Variants in CDH18 observed in about 807,000 individuals in gnomAD.
CDH18 encodes cadherin-18.
A neutral mutation model predicts 67.9 loss-of-function variants in CDH18; 31 were observed. The ratio of observed to expected loss-of-function variants is 0.46; its 90% CI spans 0.34 to 0.62. The LOEUF is 0.62. Ranked by LOEUF, CDH18 falls within the 20% of genes least tolerant of loss-of-function variation. The pLI, the probability that CDH18 is intolerant of heterozygous loss-of-function variation, is 0.01. For missense variants in CDH18, 890 were observed against 975.5 expected, an observed-to-expected ratio of 0.91 and a Z score of 1.17; for synonymous variants, 362 against 347.2, an observed-to-expected ratio of 1.04 and a Z score of -0.48.
At chr5:19,722,941 A>G (rs1026766898) in intron 4 of CDH18, among the ~76,000 whole-genome samples, 1 of 152,116 alleles carries the variant, frequency 6.6e-6, no homozygotes, top group African/African-American at 2.4e-5. Context: ...GAAAATTTGT[A>G]CTTCTAGGCC....
intron 3 of CDH18, among the ~76,000 whole-genome samples, chr5:19,809,366 TC>T (rs1778393849): frequency 6.6e-6 from 1 of 151,988 alleles, no homozygotes; most frequent in Admixed American, 6.6e-5. Context: ...AGACTTTCAT[TC>T]TCCTTAAGAT....
intron 2 of CDH18, among the ~76,000 whole-genome samples, chr5:19,903,541 G>GTATGTA (rs1554060515): frequency 8.0e-6 from 1 of 124,766 alleles, no homozygotes; most frequent in African/African-American, 2.8e-5. Context: ...GTGTGTGTGT[G>GTATGTA]TATATATATA....
At chr5:20,182,020 C>A (rs1306939951) in intron 2 of CDH18, among the ~76,000 whole-genome samples, 1 of 151,974 alleles carries the variant, frequency 6.6e-6, no homozygotes, top group Non-Finnish European at 1.5e-5. Context: ...ATTGCCAGAA[C>A]AAAGAAAATG....
intron 2 of CDH18, among the ~76,000 whole-genome samples, chr5:20,102,947 C>G (rs1746600860): frequency 1.3e-5 from 2 of 152,196 alleles, no homozygotes; most frequent in South Asian, 4.1e-4. Context: ...CTTTAGTGTT[C>G]TGTAATAAAA....
chr5:19,553,367 T>C (rs915867624), intron 8 of CDH18, among the ~76,000 whole-genome samples: 3 of 151,944 alleles, frequency 2.0e-5, no homozygotes, highest in Non-Finnish European at 2.9e-5. Flanking sequence ...TCATCTGACC[T>C]GCACGTTGTG....
At chr5:20,173,161 C>A (rs535035641) in intron 2 of CDH18, among the ~76,000 whole-genome samples, 6 of 152,270 alleles carry the variant, frequency 3.9e-5, no homozygotes, top group African/African-American at 1.4e-4. Flanking sequence ...ACCCCCATGG[C>A]TGCTGCCCTC....
chr5:20,449,988 AT>A (rs10713198), intron 1 of CDH18, among the ~76,000 whole-genome samples: 82,375 of 149,746 alleles, frequency 0.55, 23,654 homozygotes, highest in African/African-American at 0.71. Flanking sequence ...ATGCATAAGA[AT>A]TTTTTTTTTT....
At chr5:20,435,869 G>A (rs1364076282) in intron 1 of CDH18, among the ~76,000 whole-genome samples, 2 of 151,982 alleles carry the variant, frequency 1.3e-5, no homozygotes, top group African/African-American at 4.8e-5. Context: ...AGAATCCTCT[G>A]TCAATTTTTG....
intron 11 of CDH18, among the ~76,000 whole-genome samples, chr5:19,487,497 A>T (rs930751338): frequency 1.3e-5 from 2 of 152,184 alleles, no homozygotes; most frequent in Admixed American, 6.5e-5. Flanking sequence ...GAATTAACAG[A>T]ATGTTTACAT....
intron 2 of CDH18, among the ~76,000 whole-genome samples, chr5:20,153,288 C>A (rs1272347293): frequency 6.6e-6 from 1 of 152,000 alleles, no homozygotes; most frequent in East Asian, 1.9e-4. Flanking sequence ...CTAAACAACC[C>A]AAGTATTAGC....
chr5:20,297,599 G>A (rs1384625014), intron 1 of CDH18, among the ~76,000 whole-genome samples: 1 of 152,164 alleles, frequency 6.6e-6, no homozygotes. Flanking sequence ...TTTATCTCTT[G>A]AGTCCCCATA....
At chr5:19,857,875 T>C (rs1231876321) in intron 2 of CDH18, among the ~76,000 whole-genome samples, 1 of 152,178 alleles carries the variant, frequency 6.6e-6, no homozygotes, top group Non-Finnish European at 1.5e-5. Flanking sequence ...CACTTTCAAG[T>C]CAGAAATTAT....
intron 2 of CDH18, among the ~76,000 whole-genome samples, chr5:19,889,784 T>C (rs944779361): frequency 2.0e-5 from 3 of 152,166 alleles, no homozygotes; most frequent in Non-Finnish European, 2.9e-5. Flanking sequence ...AAAAAAGTCA[T>C]GATTTTAAAA....
intron 3 of CDH18, among the ~76,000 whole-genome samples, chr5:19,793,487 T>C (rs2149821436): frequency 6.6e-6 from 1 of 152,254 alleles, no homozygotes; most frequent in Admixed American, 6.6e-5. Context: ...CACTGTATTT[T>C]ATTATGGGAA....
intron 1 of CDH18, among the ~76,000 whole-genome samples, chr5:20,393,823 C>A (rs1036257349): frequency 3.3e-5 from 5 of 151,678 alleles, no homozygotes; most frequent in Non-Finnish European, 7.4e-5. Flanking sequence ...CAATACAATT[C>A]AACACCTAGG....
chr5:20,217,995 C>A (rs892651085), intron 2 of CDH18, among the ~76,000 whole-genome samples: 4 of 151,746 alleles, frequency 2.6e-5, no homozygotes, highest in Non-Finnish European at 4.4e-5. Flanking sequence ...TATATATGTA[C>A]CCCACACTGA....
At position 20,294,055 on chromosome 5, in the gene CDH18, G is replaced by T. The variant is rs138817943; in HGVS notation, c.-579-38550C>A. Reference sequence around the variant, plus strand: ...TGTACTGCTTGTTAAATAATAGAATGGATGATTTATATACACTGTTGGTCA... The same window carrying T: ...TGTACTGCTTGTTAAATAATAGAATTGATGATTTATATACACTGTTGGTCA... On this transcript the variant is annotated intron_variant, in intron 1 of 14. Coordinates refer to the CDH18 transcript ENST00000507958. Among the ~76,000 whole-genome samples, 3 of 152,204 alleles carry T rather than the reference G, an allele frequency of 2.0e-5. No homozygotes were observed. In the East Asian group the frequency reaches 5.8e-4, roughly 29 times the overall value.
chr5:19,761,108 G>A (rs1436057304), intron 3 of CDH18, among the ~76,000 whole-genome samples: 2 of 152,102 alleles, frequency 1.3e-5, no homozygotes, highest in Admixed American at 6.5e-5. Context: ...GATACCTGGC[G>A]AGGTCGTGCA....
chr5:20,111,256 G>A (rs1395653741), intron 2 of CDH18, among the ~76,000 whole-genome samples: 1 of 152,140 alleles, frequency 6.6e-6, no homozygotes, highest in Non-Finnish European at 1.5e-5. Context: ...TGTGCCTTGA[G>A]TCAAAGGTTC....
Sources: allele counts gnomAD v4.1 joint callset (sites outside exome capture counted in the v4.1 genomes callset), GRCh38; gene constraint gnomAD v4.1.1; transcripts MANE v1.5; gene names NCBI Gene and HGNC (gene_info 2026-07-23, HGNC 2026-07-21).